EVC2: variants seen among roughly 807,000 people sequenced by gnomAD.
The protein encoded by EVC2 is EvC ciliary complex subunit 2.
In EVC2, 148 loss-of-function variants were observed where a neutral mutation model predicts 149.3. The ratio of observed to expected loss-of-function variants is 0.99; its 90% CI spans 0.87 to 1.14. EVC2 has a LOEUF of 1.14. Ranked by LOEUF, EVC2 falls within the 50% of genes most tolerant of loss-of-function variation. The probability of loss-of-function intolerance (pLI) is 0.00; values close to 1 mark genes in which losing one functional copy is unlikely to be tolerated. For synonymous variants in EVC2, 776 were observed against 649.9 expected, an observed-to-expected ratio of 1.19 and a Z score of -2.95; for missense variants, 1,854 against 1,627.3, an observed-to-expected ratio of 1.14 and a Z score of -2.40.
At chr4:5,605,699 T>C (rs1290887912) in intron 16 of EVC2, among the ~76,000 whole-genome samples, 1 of 152,190 alleles carries the variant, frequency 6.6e-6, no homozygotes, top group African/African-American at 2.4e-5. Flanking sequence ...AGGAGGCATT[T>C]TGAGTGACAG....
chr4:5,620,434 A>G (rs1415977302), intron 14 of EVC2, among the ~76,000 whole-genome samples: 1 of 152,216 alleles, frequency 6.6e-6, no homozygotes, highest in African/African-American at 2.4e-5. Flanking sequence ...TTCCGAAAGA[A>G]GGCTCAAAGA....
At chr4:5,707,593 A>G (rs1385159887) in intron 1 of EVC2, among the ~76,000 whole-genome samples, 4 of 152,060 alleles carry the variant, frequency 2.6e-5, no homozygotes, top group African/African-American at 7.2e-5. Context: ...AACCATCACC[A>G]AGGGCTGGAA....
chr4:5,598,401 C>T (rs1577138940), intron 16 of EVC2, among the ~76,000 whole-genome samples: 1 of 150,558 alleles, frequency 6.6e-6, no homozygotes, highest in Admixed American at 6.6e-5. Flanking sequence ...ACAGAGCCCT[C>T]AGAAATAATG....
At chr4:5,616,190 C>G (rs1219533894) in intron 15 of EVC2, among the ~76,000 whole-genome samples, 1 of 152,172 alleles carries the variant, frequency 6.6e-6, no homozygotes, top group East Asian at 1.9e-4. Flanking sequence ...GGATTCCCCT[C>G]CCCACCTTCC....
chr4:5,594,751 T>G (rs1161933260), intron 16 of EVC2, among the ~76,000 whole-genome samples: 2 of 152,084 alleles, frequency 1.3e-5, no homozygotes, highest in African/African-American at 2.4e-5. Context: ...AGAAGAAGGC[T>G]TCAGACGATC....
downstream of EVC2, among the ~76,000 whole-genome samples, chr4:5,539,862 G>GA (rs1463641061): frequency 2.6e-5 from 4 of 151,932 alleles, no homozygotes; most frequent in Non-Finnish European, 5.9e-5. Context: ...ATCCATAAAA[G>GA]AAAAAGTTGA....
At chr4:5,649,133 G>A (rs1717935326) in intron 9 of EVC2, among the ~76,000 whole-genome samples, 1 of 152,194 alleles carries the variant, frequency 6.6e-6, no homozygotes, top group East Asian at 1.9e-4. Flanking sequence ...TGGGCTCTGA[G>A]TCTGGGGCAT....
chr4:5,531,552 G>A, the EVC2 span, among the ~76,000 whole-genome samples: 2 of 152,246 alleles, frequency 1.3e-5, no homozygotes, highest in East Asian at 3.9e-4. Context: ...TACTGTGTGA[G>A]CTCTGCCTGC....
intron 16 of EVC2, among the ~76,000 whole-genome samples, chr4:5,605,941 G>A (rs1714363481): frequency 6.6e-6 from 1 of 152,236 alleles, no homozygotes; most frequent in Admixed American, 6.5e-5. Context: ...TAGGTTCACA[G>A]AAGCCAATCC....
intron 13 of EVC2, among the ~76,000 whole-genome samples, 181 bp from the exon 14 acceptor site, chr4:5,623,172 G>A (rs148720430): frequency 1.3e-5 from 2 of 152,210 alleles, no homozygotes; most frequent in Non-Finnish European, 2.9e-5. Flanking sequence ...ATCTTGCTCT[G>A]TTGCCCAGGC....
At chr4:5,543,090 G>A (rs1265300999) in exon 22 of EVC2, 19 of 1,256,112 alleles carry the variant, frequency 1.5e-5, no homozygotes, top group Non-Finnish European at 1.9e-5. Flanking sequence ...CTCAGTCCGA[G>A]GTAACTCATC....
At chr4:5,631,692 A>T in intron 11 of EVC2, 101 bp downstream of exon 11, 1 of 1,491,968 alleles carries the variant, frequency 6.7e-7, no homozygotes, top group Non-Finnish European at 9.1e-7. Flanking sequence ...TCACTAGTGC[A>T]CAGTACAAAG....
rs576529509 is a variant in EVC2, at chr4:5,665,453, C to T, written c.1005+62G>A. The T allele has an allele frequency of 2.9e-4, 469 of 1,612,128 alleles. 2 individuals are homozygous for T. Among genetic ancestry groups the T allele is most frequent in the South Asian group, 1.9e-3 (170 of 90,876 alleles). On this transcript the variant is annotated intron_variant, in intron 8 of 21. Transcript: ENST00000344408. ...GGATCCAGGGCTGAGACCCACAGAA[C>T]TGGGGGATGAACTTCAACCTCACAT...
chr4:5,572,746 G>A (rs1722708724), intron 19 of EVC2, among the ~76,000 whole-genome samples: 2 of 152,208 alleles, frequency 1.3e-5, no homozygotes, highest in South Asian at 2.1e-4. Flanking sequence ...TGAACCTGGT[G>A]AAATTCTGCT....
chr4:5,709,440 G>A (rs1038943180), upstream of EVC2: 4 of 152,228 alleles, frequency 2.6e-5, no homozygotes, highest in African/African-American at 9.7e-5. Flanking sequence ...AGGCCAGCGA[G>A]CCTGGCCCCT....
chr4:5,663,852 C>T (rs946037049), intron 8 of EVC2, among the ~76,000 whole-genome samples: 1 of 152,098 alleles, frequency 6.6e-6, no homozygotes, highest in Non-Finnish European at 1.5e-5. Flanking sequence ...ACCCAGGAGA[C>T]GGAAGCTGCA....
Position 5,576,406 on chromosome 4 carries a change from C to G in EVC2, c.3106G>C (p.Glu1036Gln), listed in dbSNP as rs765141241. The G allele has an allele frequency of 1.9e-6, 3 of 1,612,880 alleles. No individual in the cohort carries two copies. Among genetic ancestry groups the G allele is most frequent in the Non-Finnish European group, 2.5e-6 (3 of 1,179,446 alleles). Reference protein sequence around the residue: ...RKLEDQLVQQEAAQQQQALAS... With the variant: ...RKLEDQLVQQQAAQQQQALAS... ...AGGGCCTGCTGCTGCTGGGCTGCCTCCTGCTGCACCAGCTGGTCCTCCAGC... is the reference window on the plus strand; with the variant it reads ...AGGGCCTGCTGCTGCTGGGCTGCCTGCTGCTGCACCAGCTGGTCCTCCAGC... Residue 1036 changes from glutamate to glutamine, a missense_variant, in exon 18 of 22, where the codon GAG (glutamate) becomes CAG (glutamine). Glu to Gln is a conservative substitution (Grantham distance 29). Transcript: ENST00000344408. This position sits in a 1 kb window ranked among gnomAD's most constrained non-coding sequence, Gnocchi z 4.5.
chr4:5,688,997 C>A (rs1394847754), intron 5 of EVC2, among the ~76,000 whole-genome samples, 160 bp downstream of exon 5: 1 of 152,150 alleles, frequency 6.6e-6, no homozygotes, highest in Non-Finnish European at 1.5e-5. Context: ...GGTCTCTTTT[C>A]TCTTTTTTTG....
chr4:5,667,433 C>G (rs1416344715), intron 7 of EVC2, among the ~76,000 whole-genome samples: 1 of 152,136 alleles, frequency 6.6e-6, no homozygotes, highest in Non-Finnish European at 1.5e-5. Context: ...ATCACCCAGA[C>G]TGCTGAGGGT....
Sources: allele counts gnomAD v4.1 joint callset (sites outside exome capture counted in the v4.1 genomes callset), GRCh38; gene constraint gnomAD v4.1.1; non-coding constraint Gnocchi (gnomAD v3.1); transcripts MANE v1.5; gene names NCBI Gene and HGNC (gene_info 2026-07-23, HGNC 2026-07-21).